The following GSK3B variants were observed in gnomAD, a reference collection of about 807,000 sequenced individuals.
GSK3B encodes the protein glycogen synthase kinase 3 beta, also known as glycogen synthase kinase-3 beta.
In GSK3B, 15 loss-of-function variants were observed where a neutral mutation model predicts 56.4. The observed-to-expected ratio is 0.27, with a 90% CI of 0.18 to 0.41. The LOEUF is 0.41. Among genes scored for constraint, GSK3B ranks in the 10% least tolerant of loss-of-function variants. The probability of loss-of-function intolerance (pLI) is 1.00; values close to 1 mark genes in which losing one functional copy is unlikely to be tolerated. For synonymous variants in GSK3B, 181 were observed against 188.9 expected (o/e 0.96, Z 0.34); for missense variants, 300 against 513.4 (o/e 0.58, Z 4.02).
Position 119,863,413 on chromosome 3 carries a change from AG to A in GSK3B, c.1096+5del, listed in dbSNP as rs1433116300. ...ACTGGTGAAGAGGCTAAGTGTTTGG[AG>A]TTACCTTGAGTGGTGAAGTTGAAGA... On this transcript the variant is annotated splice_donor_5th_base_variant and intron_variant, in intron 9 of 10. Transcript: ENST00000264235. 6.2e-7 allele frequency: 1 copy of A among 1,609,444 alleles called. No homozygotes were observed. Among genetic ancestry groups the A allele is most frequent in the Non-Finnish European group, 8.5e-7 (1 of 1,175,784 alleles).
intron 9 of GSK3B, among the ~76,000 whole-genome samples, chr3:119,854,375 ATTCTCTTTTTTTGTTGTGTCTCTGCC>A (rs2055986796): frequency 6.6e-6 from 1 of 152,182 alleles, no homozygotes; most frequent in Non-Finnish European, 1.5e-5. Flanking sequence ...TTGGTCTAAA[ATTCTCTTTTTTTGTTGTGTCTCTGCC>A]AGGCTTTGGT....
intron 3 of GSK3B, among the ~76,000 whole-genome samples, chr3:119,934,155 C>T (rs1369386496): frequency 6.6e-6 from 1 of 152,144 alleles, no homozygotes; most frequent in Non-Finnish European, 1.5e-5. Flanking sequence ...GTAGTCTCTG[C>T]ATAGTGACTT....
At chr3:120,017,351 T>C (rs1576274083) in intron 1 of GSK3B, among the ~76,000 whole-genome samples, 1 of 152,334 alleles carries the variant, frequency 6.6e-6, no homozygotes, top group East Asian at 1.9e-4. Context: ...TATTTTACTG[T>C]AATCTTTAGT....
intron 1 of GSK3B, among the ~76,000 whole-genome samples, chr3:120,083,166 A>C (rs1432391144): frequency 6.6e-6 from 1 of 152,156 alleles, no homozygotes; most frequent in African/African-American, 2.4e-5. Context: ...ACAATGAACA[A>C]CTTTTCCAGG....
intron 1 of GSK3B, among the ~76,000 whole-genome samples, chr3:120,025,747 G>A (rs1160172063): frequency 6.6e-6 from 1 of 152,152 alleles, no homozygotes; most frequent in African/African-American, 2.4e-5. Context: ...TCACCTAAAA[G>A]TTAGTCAACC....
At chr3:120,040,328 T>G (rs1482447830) in intron 1 of GSK3B, among the ~76,000 whole-genome samples, 1 of 151,860 alleles carries the variant, frequency 6.6e-6, no homozygotes, top group Non-Finnish European at 1.5e-5. Flanking sequence ...CTGTCAGGAG[T>G]TTATACTGAC....
chr3:119,883,910 C>A (rs560510062), intron 7 of GSK3B, among the ~76,000 whole-genome samples: 47 of 150,402 alleles, frequency 3.1e-4, no homozygotes, highest in African/African-American at 1.1e-3. Flanking sequence ...TATTTGAGAC[C>A]AGACATTCAG....
chr3:119,989,631 C>A (rs1488276381), intron 2 of GSK3B, among the ~76,000 whole-genome samples: 4 of 143,264 alleles, frequency 2.8e-5, no homozygotes, highest in African/African-American at 7.8e-5. Flanking sequence ...GGTGACGGAG[C>A]AAGAGTCTGA....
At chr3:120,030,236 TTTCTC>T (rs1209131910) in intron 1 of GSK3B, among the ~76,000 whole-genome samples, 3 of 152,302 alleles carry the variant, frequency 2.0e-5, no homozygotes, top group Non-Finnish European at 1.5e-5. Context: ...CTAGACTCCC[TTTCTC>T]TTCTATCTTC....
intron 1 of GSK3B, among the ~76,000 whole-genome samples, chr3:120,013,162 C>G (rs569374036): frequency 1.3e-5 from 2 of 152,160 alleles, no homozygotes; most frequent in Non-Finnish European, 2.9e-5. Flanking sequence ...ACGATGAATA[C>G]GGTGACATGG....
chr3:120,029,120 A>C (rs1177450837), intron 1 of GSK3B: 1 of 752,504 alleles, frequency 1.3e-6, no homozygotes, highest in Admixed American at 2.1e-5. Context: ...TCCAGGGTCC[A>C]GAGTTATTTT....
Position 120,002,040 on chromosome 3 carries a change from T to C in GSK3B, c.282+6A>G. ...AACAAAATATATGAAATACTGGACA[T>C]TTTACCTTAAATCTCTTGTCCTGCA... On this transcript the variant is annotated splice_donor_region_variant and intron_variant, in intron 2 of 10. Coordinates refer to ENST00000264235, the MANE Select transcript of GSK3B (RefSeq NM_001146156.2). 3 of 1,570,134 alleles carry C rather than the reference T, an allele frequency of 1.9e-6. No homozygotes were observed. The highest frequency in any genetic ancestry group is 2.6e-6 in the Non-Finnish European group (3 of 1,155,136).
chr3:120,044,440 T>A (rs367934164), intron 1 of GSK3B, among the ~76,000 whole-genome samples: 9 of 151,936 alleles, frequency 5.9e-5, no homozygotes, highest in African/African-American at 2.2e-4. Context: ...TGCTCTCTTG[T>A]CCAGTTGGCT....
chr3:119,952,812 T>A (rs1191955848), intron 2 of GSK3B, among the ~76,000 whole-genome samples: 2 of 150,420 alleles, frequency 1.3e-5, no homozygotes, highest in African/African-American at 4.9e-5. Flanking sequence ...TCCTCACACT[T>A]AAAAAAAAAG....
At chr3:119,919,867 C>A (rs905840380) in intron 4 of GSK3B, among the ~76,000 whole-genome samples, 1 of 151,190 alleles carries the variant, frequency 6.6e-6, no homozygotes, top group Non-Finnish European at 1.5e-5. Flanking sequence ...CACACACACA[C>A]GAAAATATGG....
At chr3:119,849,923 C>G (rs984585866) in intron 9 of GSK3B, among the ~76,000 whole-genome samples, 1 of 152,114 alleles carries the variant, frequency 6.6e-6, no homozygotes, top group African/African-American at 2.4e-5. Flanking sequence ...TCACGCGATT[C>G]TCGTGCATGA....
At chr3:120,045,537 C>G (rs1393559323) in intron 1 of GSK3B, among the ~76,000 whole-genome samples, 1 of 152,148 alleles carries the variant, frequency 6.6e-6, no homozygotes, top group Admixed American at 6.5e-5. Context: ...CCAATCAAGT[C>G]AGCTTAAATT....
chr3:120,054,040 C>T (rs974172416), intron 1 of GSK3B, among the ~76,000 whole-genome samples: 3 of 152,044 alleles, frequency 2.0e-5, no homozygotes, highest in Non-Finnish European at 4.4e-5. Flanking sequence ...TTCTTTGATA[C>T]CGGCAGTACA....
Position 119,843,235 on chromosome 3 carries a change from G to A in GSK3B, c.1195+20C>T. 1 of 1,516,258 alleles carries A rather than the reference G, an allele frequency of 6.6e-7. No homozygotes were observed. Among genetic ancestry groups the A allele is most frequent in the Non-Finnish European group, 9.1e-7 (1 of 1,096,176 alleles). 93.9% of individuals were successfully genotyped at this position (1,516,258 alleles called of 1,614,324 possible). ...CAGCCCAGAATATGTTTTTATAGAA[G>A]AGACTTAGAACGTTCTTACCTGACG... On this transcript the variant is annotated intron_variant, in intron 10 of 10. Transcript: ENST00000264235.
Sources: gnomAD v4.1 joint callset for allele counts (sites outside exome capture counted in the v4.1 genomes callset) on GRCh38, gnomAD v4.1.1 for gene constraint, MANE v1.5 for transcripts, NCBI Gene and HGNC (gene_info 2026-07-23, HGNC 2026-07-21) for gene names.